LRRFIP1: variants seen among roughly 807,000 people sequenced by gnomAD.
LRRFIP1 encodes LRR binding FLII interacting protein 1, also known as leucine-rich repeat flightless-interacting protein 1.
Under a neutral mutation model 104.4 loss-of-function variants are expected in LRRFIP1, and 62 were observed. That is an observed-to-expected ratio of 0.59 (90% CI 0.48 to 0.73). LRRFIP1 has a LOEUF of 0.73. Ranked by LOEUF, LRRFIP1 falls within the 30% of genes least tolerant of loss-of-function variation. The pLI, the probability that LRRFIP1 is intolerant of heterozygous loss-of-function variation, is 0.00. For synonymous variants in LRRFIP1, 300 were observed against 299.0 expected (o/e 1.00, Z -0.03); for missense variants, 796 against 824.5 (o/e 0.97, Z 0.42).
rs554885703 is a variant in LRRFIP1 at position 237,693,883 on chromosome 2, GCTGGGAGCCTC to G, written c.97-14655_97-14645del. On this transcript the variant is annotated intron_variant, in intron 1 of 23. Transcript: ENST00000308482. ...CTGGCTACAGGGTCTATTACTTAAG[GCTGGGAGCCTC>G]CTGGGCGGGTCTGGGTTCAGATGAC... Among the ~76,000 whole-genome samples, 8 of 152,282 alleles carry G rather than the reference GCTGGGAGCCTC, an allele frequency of 5.3e-5. No individual in the cohort carries two copies. The East Asian group carries it at 9.6e-4, about 18-fold the overall frequency.
chr2:237,691,834 G>T lies in LRRFIP1; in HGVS notation c.97-16710G>T, dbSNP rs1215588872. On this transcript the variant is annotated intron_variant, in intron 1 of 23. Coordinates refer to ENST00000308482, the MANE Select transcript of LRRFIP1 (RefSeq NM_001137550.2). This position sits in a 1 kb window ranked among gnomAD's most constrained non-coding sequence, Gnocchi z 5.4. ...CCTCCAGGTCCTCTTTCCGGCGGGG[G>T]CCGGAGGGGTGGTGATGGACAGCCC... is the stretch of plus-strand genomic sequence containing the variant. Among the ~76,000 whole-genome samples the T allele has an allele frequency of 6.6e-6, 1 of 152,150 alleles. No individual in the cohort carries two copies. The highest frequency in any genetic ancestry group is 2.4e-5 in the African/African-American group (1 of 41,440).
intron 1 of LRRFIP1, among the ~76,000 whole-genome samples, chr2:237,680,722 C>A (rs1369007368): frequency 6.6e-6 from 1 of 152,226 alleles, no homozygotes; most frequent in Non-Finnish European, 1.5e-5. Context: ...TGACACATGC[C>A]TGTAATCCCA....
chr2:237,766,218 C>T lies in LRRFIP1; in HGVS notation c.1460-3725C>T, dbSNP rs2060244627. ...CACCTGTGGCTGTGCTTACCTGCGC[C>T]ACTACTTACAGTGTTTTGAAGAGCA... On this transcript the variant is annotated intron_variant, in intron 19 of 23. Coordinates refer to ENST00000308482, the MANE Select transcript of LRRFIP1 (RefSeq NM_001137550.2). The surrounding 1 kb of genome is among the most constrained non-coding windows in gnomAD (Gnocchi z 4.8). Among the ~76,000 whole-genome samples the T allele has an allele frequency of 6.6e-6, 1 of 152,180 alleles. No individual in the cohort carries two copies.
chr2:237,636,352 C>G (rs889413006), intron 1 of LRRFIP1, among the ~76,000 whole-genome samples: 2 of 124,452 alleles, frequency 1.6e-5, no homozygotes. Flanking sequence ...CCTTTCTTTT[C>G]TTTTTTTTTT....
rs184648578 is a variant in LRRFIP1 at position 237,735,936 on chromosome 2, G to A, written c.555+603G>A. 6.6e-6 allele frequency among the ~76,000 whole-genome samples: 1 copy of A among 152,206 alleles called. No homozygotes were observed. The highest frequency in any genetic ancestry group is 2.4e-5 in the African/African-American group (1 of 41,446). On this transcript the variant is annotated intron_variant, in intron 10 of 23. Transcript: ENST00000308482. This position sits in a 1 kb window ranked among gnomAD's most constrained non-coding sequence, Gnocchi z 4.6. ...GCGTGTCCCAGGGACCTGTGGAAACGGAGCGTTCAGTGCTAACCGGTGCTC... is the reference window on the plus strand; with the variant it reads ...GCGTGTCCCAGGGACCTGTGGAAACAGAGCGTTCAGTGCTAACCGGTGCTC...
At chr2:237,749,806 G>A (rs530726569) in intron 13 of LRRFIP1, among the ~76,000 whole-genome samples, 3 of 152,058 alleles carry the variant, frequency 2.0e-5, no homozygotes, top group Non-Finnish European at 4.4e-5. Flanking sequence ...GTATTTTAAT[G>A]ATTTTTTTTA....
chr2:237,700,846 C>G (rs2093480666), intron 1 of LRRFIP1, among the ~76,000 whole-genome samples: 1 of 152,158 alleles, frequency 6.6e-6, no homozygotes, highest in Non-Finnish European at 1.5e-5. Flanking sequence ...GCGGTGCTTT[C>G]CAGGCTGCAG....
intron 1 of LRRFIP1, among the ~76,000 whole-genome samples, chr2:237,637,829 C>G (rs1175623693): frequency 6.6e-6 from 1 of 151,978 alleles, no homozygotes; most frequent in Non-Finnish European, 1.5e-5. Flanking sequence ...TCAATTTTGC[C>G]CTCATTGTCC....
intron 6 of LRRFIP1, chr2:237,721,901 C>T (rs1366479667): frequency 6.6e-6 from 1 of 152,212 alleles, no homozygotes; most frequent in Non-Finnish European, 1.5e-5. Flanking sequence ...GATGTAGCCT[C>T]AGGGATGCTG....
intron 2 of LRRFIP1, among the ~76,000 whole-genome samples, chr2:237,713,966 T>C (rs1345346462): frequency 6.6e-6 from 1 of 152,268 alleles, no homozygotes; most frequent in Non-Finnish European, 1.5e-5. Flanking sequence ...GTACTTTTTC[T>C]CATTGATGGC....
In LRRFIP1 at chr2:237,733,773, GC is replaced by G; in HGVS notation, c.447del (p.Ser150ProfsTer63). 4 of 1,613,994 alleles carry G rather than the reference GC, an allele frequency of 2.5e-6. No homozygotes were observed. The highest frequency in any genetic ancestry group is 3.4e-6 in the Non-Finnish European group (4 of 1,179,876). On this transcript the variant is annotated frameshift_variant and splice_region_variant, in exon 9 of 24. Coordinates refer to ENST00000308482, the MANE Select transcript of LRRFIP1 (RefSeq NM_001137550.2). LOFTEE classifies it high-confidence loss of function. The part of the protein sequence containing the change: ...SQSLNRRSGR[P>X]SCLYSAARPS... ...ACCTGCCATTTGCTTTCATCCTCCA[GC>G]CCTCCTGTCTGTACAGCGCTGCCCG...
Position 237,751,206 on chromosome 2 carries a change from A to C in LRRFIP1, c.802A>C (p.Asn268His), listed in dbSNP as rs1444981948. 6.2e-7 allele frequency: 1 copy of C among 1,607,036 alleles called. No individual in the cohort carries two copies. The highest frequency in any genetic ancestry group is 8.5e-7 in the Non-Finnish European group (1 of 1,177,108). ...TTTTTGCCATTTCCCCCAGGAACTCAATGAGTTAAAGGACCAGATTCAGGA... is the reference window on the plus strand; with the variant it reads ...TTTTTGCCATTTCCCCCAGGAACTCCATGAGTTAAAGGACCAGATTCAGGA... The part of the protein sequence containing the change: ...EASIREIKEL[N>H]ELKDQIQDVE... Residue 268 changes from asparagine to histidine, a missense_variant, in exon 14 of 24, where the codon AAT (asparagine) becomes CAT (histidine). Physicochemically the swap from Asn to His is moderately conservative, Grantham distance 68. Coordinates refer to ENST00000308482, the MANE Select transcript of LRRFIP1 (RefSeq NM_001137550.2).
chr2:237,673,350 C>T (rs913190991), intron 1 of LRRFIP1, among the ~76,000 whole-genome samples: 23 of 152,154 alleles, frequency 1.5e-4, no homozygotes, highest in Non-Finnish European at 2.9e-5. Flanking sequence ...ATGGTAGGCG[C>T]CCGGGGGGAG....
At chr2:237,648,153 C>A (rs2085280184) in intron 1 of LRRFIP1, among the ~76,000 whole-genome samples, 1 of 151,728 alleles carries the variant, frequency 6.6e-6, no homozygotes, top group African/African-American at 2.4e-5. Context: ...ACATTCAATT[C>A]CATTTGAATG....
chr2:237,732,181 C>G (rs531836365), intron 8 of LRRFIP1, among the ~76,000 whole-genome samples: 2 of 152,198 alleles, frequency 1.3e-5, no homozygotes, highest in Admixed American at 6.5e-5. Flanking sequence ...TTCTGACCCT[C>G]GTTCTCTCCC....
At chr2:237,715,801 G>A (rs1293562116) in intron 3 of LRRFIP1, among the ~76,000 whole-genome samples, 3 of 152,216 alleles carry the variant, frequency 2.0e-5, no homozygotes, top group East Asian at 3.9e-4. Context: ...AGTGATTGAC[G>A]TTTGAAATGT....
At chr2:237,696,264 C>CT (rs1048519708) in intron 1 of LRRFIP1, among the ~76,000 whole-genome samples, 16 of 152,220 alleles carry the variant, frequency 1.1e-4, no homozygotes, top group South Asian at 4.1e-4. Context: ...ATCCTTCTGT[C>CT]TTTTTTACTG....
intron 1 of LRRFIP1, among the ~76,000 whole-genome samples, chr2:237,686,891 T>G (rs2092409684): frequency 1.3e-5 from 2 of 152,202 alleles, no homozygotes; most frequent in African/African-American, 4.8e-5. Flanking sequence ...GTGCCCCTAG[T>G]CTTACTGGGA....
rs191052616 is a variant in LRRFIP1, at chr2:237,749,192, G to A, written c.670-7G>A. 3.7e-5 allele frequency: 60 copies of A among 1,612,022 alleles called. No homozygotes were observed. In the African/African-American group the frequency reaches 6.3e-4, roughly 17 times the overall value. ...CATATCAGCATGTGATCCTCTCAAC[G>A]TTCCAGGGGTCTCGTAACATGCCGG... On this transcript the variant is annotated splice_polypyrimidine_tract_variant and splice_region_variant and intron_variant, in intron 12 of 23. Transcript: ENST00000308482.
Sources: gnomAD v4.1 joint callset for allele counts (sites outside exome capture counted in the v4.1 genomes callset) on GRCh38, gnomAD v4.1.1 for gene constraint, Gnocchi (gnomAD v3.1) non-coding constraint, MANE v1.5 for transcripts, NCBI Gene and HGNC (gene_info 2026-07-23, HGNC 2026-07-21) for gene names.